Variants in DDX10 observed in about 807,000 individuals in gnomAD.
DDX10 encodes probable ATP-dependent RNA helicase DDX10.
DDX10 carries 74 observed loss-of-function variants against 104.3 expected under a neutral mutation model. The observed-to-expected ratio is 0.71, with a 90% CI of 0.59 to 0.86. The LOEUF (loss-of-function observed/expected upper bound fraction) is 0.86, where lower values mean the gene tolerates loss of function less well. DDX10 is among the 40% of genes least tolerant of loss of function. The pLI is 0.00. For missense variants in DDX10, 952 were observed against 1,040.0 expected (o/e 0.92, Z 1.16); for synonymous variants, 351 against 353.4 (o/e 0.99, Z 0.08).
At chr11:108,831,958 T>C (rs1862479152) in intron 13 of DDX10, among the ~76,000 whole-genome samples, 2 of 152,176 alleles carry the variant, frequency 1.3e-5, no homozygotes, top group South Asian at 4.1e-4. Flanking sequence ...CTTTTAGCTT[T>C]TTAAAGTCTA....
chr11:108,853,110 T>A (rs1226181503), intron 16 of DDX10, among the ~76,000 whole-genome samples: 1 of 152,156 alleles, frequency 6.6e-6, no homozygotes, highest in Non-Finnish European at 1.5e-5. Context: ...TTATATTAAA[T>A]ATAAGCAGTA....
chr11:108,753,923 C>T (rs747595811), intron 13 of DDX10, among the ~76,000 whole-genome samples: 4 of 151,834 alleles, frequency 2.6e-5, no homozygotes, highest in East Asian at 1.9e-4. Context: ...AATACAGGGT[C>T]GGGTGTGTAT....
chr11:108,803,274 T>TA (rs1351128712), intron 13 of DDX10, among the ~76,000 whole-genome samples: 3 of 151,758 alleles, frequency 2.0e-5, no homozygotes, highest in African/African-American at 7.3e-5. Flanking sequence ...TTTTTTTTTT[T>TA]AAAGAACCTT....
intron 6 of DDX10, among the ~76,000 whole-genome samples, chr11:108,686,205 ATGG>A (rs2094243800): frequency 6.6e-6 from 1 of 152,176 alleles, no homozygotes; most frequent in Non-Finnish European, 1.5e-5. Flanking sequence ...TCTTGCTAGA[ATGG>A]TGGTGCATTT....
chr11:108,781,522 A>G (rs566896721), intron 13 of DDX10, among the ~76,000 whole-genome samples: 116 of 152,308 alleles, frequency 7.6e-4, no homozygotes, highest in Non-Finnish European at 1.3e-3. Flanking sequence ...ATACTGAACT[A>G]TATGGAGGGA....
chr11:108,787,853 C>A (rs975148407), intron 13 of DDX10, among the ~76,000 whole-genome samples: 1 of 152,124 alleles, frequency 6.6e-6, no homozygotes, highest in Non-Finnish European at 1.5e-5. Flanking sequence ...TTGCTTGAAC[C>A]TGGGAGGTGG....
chr11:108,799,866 A>G (rs1024089059), intron 13 of DDX10, among the ~76,000 whole-genome samples: 1 of 152,144 alleles, frequency 6.6e-6, no homozygotes, highest in Non-Finnish European at 1.5e-5. Context: ...GATTATGTTG[A>G]CTTCCTAAAA....
intron 16 of DDX10, among the ~76,000 whole-genome samples, chr11:108,860,150 T>C (rs1862921501): frequency 6.6e-6 from 1 of 152,196 alleles, no homozygotes; most frequent in Admixed American, 6.5e-5. Context: ...AGAATCTGTG[T>C]GGGTTTTCCA....
At chr11:108,818,948 G>A (rs1862289836) in intron 13 of DDX10, among the ~76,000 whole-genome samples, 1 of 152,182 alleles carries the variant, frequency 6.6e-6, no homozygotes, top group Non-Finnish European at 1.5e-5. Flanking sequence ...CATTGTTGGT[G>A]TAATTATTCT....
chr11:108,728,545 C>T lies in DDX10; in HGVS notation c.1965+5083C>T, dbSNP rs556689008. ...TTTTTTTTTTTTAGAAATAGGGTCT[C>T]GCTCTGTCACACAGGCTAGAAGGCA... On this transcript the variant is annotated intron_variant, in intron 13 of 17. Transcript: ENST00000322536. Among the ~76,000 whole-genome samples the T allele has an allele frequency of 1.5e-3, 201 of 133,658 alleles. 1 individual carries two copies. The highest frequency in any genetic ancestry group is 6.1e-3 in the African/African-American group (191 of 31,126). The allele number at this position is 133,658 out of a possible 152,430, so 87.7% of individuals were successfully genotyped here. A position where few individuals can be genotyped will look rare whatever the true frequency, so the allele number is the denominator to read the frequency against.
chr11:108,907,631 T>C (rs1011360405), intron 16 of DDX10, among the ~76,000 whole-genome samples: 2 of 152,170 alleles, frequency 1.3e-5, no homozygotes, highest in African/African-American at 4.8e-5. Context: ...TGCCTTCCTC[T>C]CATTTGCTGT....
intron 6 of DDX10, among the ~76,000 whole-genome samples, chr11:108,682,048 G>A (rs1434559091): frequency 2.6e-5 from 4 of 151,654 alleles, no homozygotes; most frequent in Admixed American, 1.3e-4. Context: ...CCCTACTCCC[G>A]GTGTTTTTTC....
At chr11:108,797,324 G>A (rs998564100) in intron 13 of DDX10, among the ~76,000 whole-genome samples, 3 of 152,110 alleles carry the variant, frequency 2.0e-5, no homozygotes, top group Admixed American at 2.0e-4. Flanking sequence ...GAGCCACCGC[G>A]CCCAGCCTAA....
At chr11:108,675,883 G>A in intron 3 of DDX10, 157 bp downstream of exon 3, 1 of 887,330 alleles carries the variant, frequency 1.1e-6, no homozygotes, top group Non-Finnish European at 1.7e-6. Context: ...TGTGTGTCTT[G>A]TTCTCACCAT....
intron 13 of DDX10, among the ~76,000 whole-genome samples, chr11:108,770,921 T>G (rs2094362336): frequency 6.6e-6 from 1 of 152,068 alleles, no homozygotes; most frequent in South Asian, 2.1e-4. Context: ...TTGTGGAGTT[T>G]CCAAAGTGTT....
chr11:108,677,065 G>A lies in DDX10; in HGVS notation c.379-20G>A, dbSNP rs1565242875. On this transcript the variant is annotated intron_variant, in intron 3 of 17. Coordinates refer to ENST00000322536, the MANE Select transcript of DDX10 (RefSeq NM_004398.4). The stretch of plus-strand genomic sequence containing the variant: ...TGACTTCTGATGACTTACTGAACAT[G>A]AATTTGCTGTCTTTTTGAGGTGCTG... The A allele has an allele frequency of 1.3e-6, 2 of 1,588,938 alleles. No homozygotes were observed. Among genetic ancestry groups the A allele is most frequent in the South Asian group, 1.1e-5 (1 of 88,906 alleles).
chr11:108,887,541 G>A (rs1200930893), intron 16 of DDX10, among the ~76,000 whole-genome samples: 2 of 150,222 alleles, frequency 1.3e-5, no homozygotes, highest in African/African-American at 2.4e-5. Context: ...TTCTCTTGAT[G>A]TAAGAATAAA....
At chr11:108,778,213 C>CA (rs1217476332) in intron 13 of DDX10, among the ~76,000 whole-genome samples, 1 of 151,990 alleles carries the variant, frequency 6.6e-6, no homozygotes, top group South Asian at 2.1e-4. Context: ...CATATGGAAC[C>CA]AAAAAAGAGC....
At chr11:108,845,675 C>T (rs963001612) in intron 15 of DDX10, among the ~76,000 whole-genome samples, 3 of 152,044 alleles carry the variant, frequency 2.0e-5, no homozygotes, top group Admixed American at 1.3e-4. Flanking sequence ...AAAAAAACTT[C>T]GTAAAACCTA....
Sources: allele counts gnomAD v4.1 joint callset (sites outside exome capture counted in the v4.1 genomes callset), GRCh38; gene constraint gnomAD v4.1.1; transcripts MANE v1.5; gene names NCBI Gene and HGNC (gene_info 2026-07-23, HGNC 2026-07-21).